Variants in WWP2 observed in about 807,000 individuals in gnomAD.
WWP2 encodes the protein NEDD4-like E3 ubiquitin-protein ligase WWP2.
WWP2 carries 57 observed loss-of-function variants against 121.0 expected under a neutral mutation model. The observed-to-expected ratio is 0.47, with a 90% confidence interval of 0.38 to 0.59. The LOEUF (loss-of-function observed/expected upper bound fraction) is 0.59, where lower values mean the gene tolerates loss of function less well. Among genes scored for constraint, WWP2 ranks in the 20% least tolerant of loss-of-function variants. The probability of loss-of-function intolerance (pLI) is 0.00; values close to 1 mark genes in which losing one functional copy is unlikely to be tolerated. For missense variants in WWP2, 962 were observed against 1,158.9 expected, an observed-to-expected ratio of 0.83 and a Z score of 2.47; for synonymous variants, 449 against 441.3, an observed-to-expected ratio of 1.02 and a Z score of -0.22.
At chr16:69,769,794 G>A (rs373852811) in intron 1 of WWP2, among the ~76,000 whole-genome samples, 16 of 151,588 alleles carry the variant, frequency 1.1e-4, no homozygotes, top group East Asian at 9.7e-4. Flanking sequence ...GTATGATTTT[G>A]TGAAATATAT....
intron 4 of WWP2, among the ~76,000 whole-genome samples, chr16:69,831,347 A>G (rs2056790213): frequency 6.6e-6 from 1 of 152,140 alleles, no homozygotes; most frequent in South Asian, 2.1e-4. Flanking sequence ...CCCAAACTAG[A>G]AAGTTCTTTC....
chr16:69,864,280 A>G (rs1054007510), intron 6 of WWP2, among the ~76,000 whole-genome samples: 2 of 151,956 alleles, frequency 1.3e-5, no homozygotes, highest in Non-Finnish European at 2.9e-5. Context: ...GGGTGGGAGG[A>G]TTGCAGGAGC....
intron 4 of WWP2, among the ~76,000 whole-genome samples, chr16:69,811,945 GAGA>G (rs1418632905): frequency 6.6e-6 from 1 of 152,082 alleles, no homozygotes; most frequent in Non-Finnish European, 1.5e-5. Flanking sequence ...GTTCCTAAAG[GAGA>G]AGGATACTAC....
intron 4 of WWP2, among the ~76,000 whole-genome samples, chr16:69,822,966 A>G (rs920525132): frequency 6.6e-6 from 1 of 152,160 alleles, no homozygotes; most frequent in African/African-American, 2.4e-5. Flanking sequence ...ACAAAGCTCC[A>G]TCTTTACTAA....
In WWP2 at chr16:69,935,981, G is replaced by A; in HGVS notation, c.1971G>A (p.Trp657Ter). ...IDPEFYNSIV[W>*]IKENNLEECG... is the part of the protein sequence containing the mutation. ...CTGAGTTCTACAACTCCATTGTCTG[G>A]ATCAAGTGAGTTCCCTGCCCCCTTG... Residue 657 changes from tryptophan (W) to a stop codon, truncating the protein, a stop_gained, in exon 18 of 24, where the codon TGG (tryptophan) becomes TGA (stop). Coordinates refer to ENST00000359154, the MANE Select transcript of WWP2 (RefSeq NM_001270454.2). LOFTEE classifies it high-confidence loss of function. This position sits in a 1 kb window ranked among gnomAD's most constrained non-coding sequence, Gnocchi z 5.2. The A allele has an allele frequency of 6.2e-7, 1 of 1,613,932 alleles. No homozygotes were observed. The highest frequency in any genetic ancestry group is 8.5e-7 in the Non-Finnish European group (1 of 1,179,912).
chr16:69,919,827 G>A (rs2058532716), intron 10 of WWP2, among the ~76,000 whole-genome samples: 1 of 140,068 alleles, frequency 7.1e-6, no homozygotes, highest in African/African-American at 2.7e-5. Context: ...GTCTCATTCT[G>A]TGTCACCCAG....
intron 8 of WWP2, among the ~76,000 whole-genome samples, chr16:69,900,669 C>T (rs559052420): frequency 2.0e-5 from 3 of 151,940 alleles, no homozygotes; most frequent in Non-Finnish European, 4.4e-5. Flanking sequence ...ACTACAGGTG[C>T]GTGCCACCAT....
intron 1 of WWP2, among the ~76,000 whole-genome samples, chr16:69,778,072 AATATATAT>A (rs138021233): frequency 2.9e-5 from 4 of 137,532 alleles, no homozygotes; most frequent in Non-Finnish European, 6.1e-5. Context: ...CCCTGTCTCA[AATATATAT>A]ATATATATAT....
At chr16:69,901,512 A>C (rs1417292634) in intron 8 of WWP2, among the ~76,000 whole-genome samples, 2 of 152,106 alleles carry the variant, frequency 1.3e-5, no homozygotes, top group African/African-American at 4.8e-5. Context: ...TCCCGGGTTC[A>C]TGCCATTCTC....
chr16:69,865,787 AAGGTGAAGCAGAGGACAGAAAGATACTG>A (rs2057510139), intron 6 of WWP2, among the ~76,000 whole-genome samples: 2 of 152,204 alleles, frequency 1.3e-5, no homozygotes, highest in Non-Finnish European at 2.9e-5. Flanking sequence ...TGTCCATCAG[AAGGTGAAGCAGAGGACAGAAAGATACTG>A]AGTGCACAGC....
chr16:69,910,753 G>T (rs2058367737), intron 9 of WWP2, among the ~76,000 whole-genome samples: 2 of 152,142 alleles, frequency 1.3e-5, no homozygotes, highest in African/African-American at 4.8e-5. Flanking sequence ...AGGGACGTAG[G>T]CCTTGACCCA....
In WWP2 at chr16:69,937,560, G is replaced by A. The variant is rs1288097279; in HGVS notation, c.2251G>A (p.Gly751Ser). 2 of 1,613,954 alleles carry A rather than the reference G, an allele frequency of 1.2e-6. No homozygotes were observed. Among genetic ancestry groups the A allele is most frequent in the African/African-American group, 1.3e-5 (1 of 75,010 alleles). ...DEKELELMLC[G>S]MQEIDMSDWQ... ...CGCCTCTCCCCAGCTGATGCTGTGC[G>A]GCATGCAGGAGATAGACATGAGCGA... The change falls in exon 21 of 24, where the codon GGC (glycine) becomes AGC (serine). Residue 751 changes from glycine (G) to serine (S), a missense_variant. Physicochemically the swap from Gly to Ser is moderately conservative, Grantham distance 56. Around this residue, in one of 3 missense-constraint regions of WWP2, gnomAD observed 606 missense variants for 772.6 expected, o/e 0.78. Transcript: ENST00000359154. This position sits in a 1 kb window ranked among gnomAD's most constrained non-coding sequence, Gnocchi z 6.6.
intron 1 of WWP2, among the ~76,000 whole-genome samples, chr16:69,770,857 G>A (rs1330351270): frequency 3.9e-5 from 6 of 152,000 alleles, no homozygotes; most frequent in South Asian, 2.1e-4. Context: ...GTGGGGCTGG[G>A]CGTGGTGGCT....
chr16:69,895,530 G>A (rs1438903442), intron 8 of WWP2, among the ~76,000 whole-genome samples: 3 of 152,158 alleles, frequency 2.0e-5, no homozygotes, highest in South Asian at 2.1e-4. Context: ...TTGGGAGGCC[G>A]AGTCAGGAGG....
chr16:69,791,822 C>T (rs571582597), intron 2 of WWP2, among the ~76,000 whole-genome samples: 2 of 152,154 alleles, frequency 1.3e-5, no homozygotes, highest in African/African-American at 2.4e-5. Context: ...GCCTGGCCCC[C>T]ACCTCGGCCT....
intron 10 of WWP2, among the ~76,000 whole-genome samples, chr16:69,918,346 C>A (rs1282560158): frequency 6.6e-6 from 1 of 152,138 alleles, no homozygotes; most frequent in Non-Finnish European, 1.5e-5. Flanking sequence ...GACACATTCT[C>A]AGGGATGAAG....
Position 69,931,906 on chromosome 16 carries a change from C to A in WWP2, c.1682+16C>A. 6.2e-7 allele frequency: 1 copy of A among 1,609,112 alleles called. No individual in the cohort carries two copies. The highest frequency in any genetic ancestry group is 1.3e-5 in the African/African-American group (1 of 75,004). On this transcript the variant is annotated intron_variant, in intron 16 of 23. Transcript: ENST00000359154. ...GCATCGCCAGGTGAGCTTGAGTGCC[C>A]CGGAAGGCTGCCCTGTACCCCGCTT...
intron 1 of WWP2, among the ~76,000 whole-genome samples, chr16:69,765,553 G>T (rs1438262424): frequency 2.0e-5 from 3 of 152,182 alleles, no homozygotes; most frequent in Non-Finnish European, 2.9e-5. Context: ...GCCAGGTGCG[G>T]TGGCTCACGC....
chr16:69,820,554 T>TAA (rs34777921), intron 4 of WWP2, among the ~76,000 whole-genome samples: 1 of 116,684 alleles, frequency 8.6e-6, no homozygotes, highest in Non-Finnish European at 2.0e-5. Context: ...CCCTGTCTCT[T>TAA]AAAAAAAAAA....
Sources: allele counts gnomAD v4.1 joint callset (sites outside exome capture counted in the v4.1 genomes callset), GRCh38; gene constraint gnomAD v4.1.1; regional missense constraint gnomAD v4.1.1; non-coding constraint Gnocchi (gnomAD v3.1); transcripts MANE v1.5; gene names NCBI Gene and HGNC (gene_info 2026-07-23, HGNC 2026-07-21).